The following MAP3K2 variants were observed in gnomAD, a reference collection of about 807,000 sequenced individuals.
The protein encoded by MAP3K2 is MAP/ERK kinase kinase 2.
Under a neutral mutation model 80.3 loss-of-function variants are expected in MAP3K2, and 24 were observed. That is an observed-to-expected ratio of 0.30 (90% confidence interval 0.22 to 0.42). The LOEUF is 0.42. Among genes scored for constraint, MAP3K2 ranks in the 10% least tolerant of loss-of-function variants. The pLI is 1.00. For missense variants in MAP3K2, 608 were observed against 750.1 expected, an observed-to-expected ratio of 0.81 and a Z score of 2.21; for synonymous variants, 244 against 253.7, an observed-to-expected ratio of 0.96 and a Z score of 0.36.
In MAP3K2 at chr2:127,387,785, T is replaced by C; in HGVS notation, c.-399A>G. 4 of 984,444 alleles carry C rather than the reference T, an allele frequency of 4.1e-6. No homozygotes were observed. Among genetic ancestry groups the C allele is most frequent in the Non-Finnish European group, 2.4e-6 (2 of 829,540 alleles). The allele number at this position is 984,444 out of a possible 1,614,324, so 61.0% of individuals were successfully genotyped here. A position where few individuals can be genotyped will look rare whatever the true frequency, so the allele number is the denominator to read the frequency against. Reference sequence around the variant, plus strand: ...GAAAGGAGGAAGCCGCGGGCCCGCGTCGCTAGAGACCGGAGAAGAGGCGGG... The same window carrying C: ...GAAAGGAGGAAGCCGCGGGCCCGCGCCGCTAGAGACCGGAGAAGAGGCGGG... On this transcript the variant is annotated 5_prime_UTR_variant, in exon 1 of 17. Coordinates refer to ENST00000682094, the MANE Select transcript of MAP3K2 (RefSeq NM_001371910.2).
chr2:127,364,000 CAG>C (rs1195072400), intron 1 of MAP3K2, among the ~76,000 whole-genome samples: 2 of 152,206 alleles, frequency 1.3e-5, no homozygotes, highest in African/African-American at 4.8e-5. Context: ...CAGCACCTAA[CAG>C]TACTTTGCAC....
rs760653710 is a variant in MAP3K2, at chr2:127,344,141, A to G, written c.-65-947T>C. Among the ~76,000 whole-genome samples the G allele has an allele frequency of 9.2e-5, 14 of 152,308 alleles. No individual in the cohort carries two copies. In the South Asian group the frequency reaches 1.0e-3, roughly 11 times the overall value. On this transcript the variant is annotated intron_variant, in intron 1 of 16. Transcript: ENST00000682094. ...TGAAAAATATGAGTGCCAACATGAC[A>G]CTATGAATGGAAAATTCCACAAACC...
At chr2:127,374,888 G>A (rs115812885) in intron 1 of MAP3K2, among the ~76,000 whole-genome samples, 2,039 of 152,134 alleles carry the variant, frequency 0.013, 22 homozygotes, top group Non-Finnish European at 0.018. Flanking sequence ...GCCATAGAAC[G>A]TACCCAATCC....
intron 1 of MAP3K2, among the ~76,000 whole-genome samples, chr2:127,382,856 A>C (rs1270712734): frequency 6.6e-5 from 10 of 152,244 alleles, no homozygotes; most frequent in Non-Finnish European, 1.2e-4. Context: ...GGTTGCCTTC[A>C]ATCTGCAGAT....
At chr2:127,309,387 T>G (rs1685765858) in intron 15 of MAP3K2, among the ~76,000 whole-genome samples, 1 of 152,154 alleles carries the variant, frequency 6.6e-6, no homozygotes. Context: ...TAGCTTCAGA[T>G]TTACAGAATT....
rs1160575050 is a variant in MAP3K2 at position 127,321,684 on chromosome 2, T to C, written c.1045+362A>G. ...CCTCAGCTGGTGATTTCTACTCACATTTAAATGCTATACAATAATTATTTC... is the reference window on the plus strand; with the variant it reads ...CCTCAGCTGGTGATTTCTACTCACACTTAAATGCTATACAATAATTATTTC... On this transcript the variant is annotated intron_variant, in intron 12 of 16. Transcript: ENST00000682094. The surrounding 1 kb of genome is among the most constrained non-coding windows in gnomAD (Gnocchi z 4.4). Among the ~76,000 whole-genome samples, 1 of 152,254 alleles carries C rather than the reference T, an allele frequency of 6.6e-6. No homozygotes were observed. The highest frequency in any genetic ancestry group is 1.5e-5 in the Non-Finnish European group (1 of 68,050).
At chr2:127,373,657 T>A (rs1687102386) in intron 1 of MAP3K2, among the ~76,000 whole-genome samples, 1 of 152,226 alleles carries the variant, frequency 6.6e-6, no homozygotes, top group African/African-American at 2.4e-5. Context: ...CTGTTTGTTT[T>A]TCCCACTAAA....
In MAP3K2 at chr2:127,353,652, C is replaced by T. The variant is rs542075739; in HGVS notation, c.-65-10458G>A. Among the ~76,000 whole-genome samples, 352 of 151,112 alleles carry T rather than the reference C, an allele frequency of 2.3e-3. 6 individuals carry two copies. Among genetic ancestry groups the T allele is most frequent in the African/African-American group, 7.6e-3 (313 of 41,242 alleles). On this transcript the variant is annotated intron_variant, in intron 1 of 16. Coordinates refer to ENST00000682094, the MANE Select transcript of MAP3K2 (RefSeq NM_001371910.2). Reference sequence around the variant, plus strand: ...CAAACCCCGGCCCGGCCAGCCACCCCGTCCGGGAGGTGAGGGGCGCCTCTG... The same window carrying T: ...CAAACCCCGGCCCGGCCAGCCACCCTGTCCGGGAGGTGAGGGGCGCCTCTG...
At chr2:127,313,467 C>G (rs1685845613) in intron 15 of MAP3K2, among the ~76,000 whole-genome samples, 1 of 152,176 alleles carries the variant, frequency 6.6e-6, no homozygotes, top group Admixed American at 6.5e-5. Flanking sequence ...CTGCATTCTA[C>G]TCTATCACCA....
chr2:127,324,561 C>T (rs1686092296), intron 9 of MAP3K2, among the ~76,000 whole-genome samples: 1 of 152,046 alleles, frequency 6.6e-6, no homozygotes, highest in Non-Finnish European at 1.5e-5. Flanking sequence ...CCTTCTGCAT[C>T]AACAAAAAAG....
intron 1 of MAP3K2, among the ~76,000 whole-genome samples, chr2:127,379,673 T>C (rs1322362709): frequency 6.6e-6 from 1 of 152,246 alleles, no homozygotes; most frequent in African/African-American, 2.4e-5. Flanking sequence ...TATAGTATTA[T>C]ATAAATGTCA....
chr2:127,374,554 C>T (rs939293755), intron 1 of MAP3K2, among the ~76,000 whole-genome samples: 2 of 152,222 alleles, frequency 1.3e-5, no homozygotes, highest in African/African-American at 4.8e-5. Flanking sequence ...CACATCCCCT[C>T]CTTCAACAGG....
rs1475563914 is a variant in MAP3K2 at position 127,364,962 on chromosome 2, T to C, written c.-65-21768A>G. Among the ~76,000 whole-genome samples the C allele has an allele frequency of 9.9e-5, 15 of 151,684 alleles. No individual in the cohort carries two copies. Among genetic ancestry groups the C allele is most frequent in the Admixed American group, 8.5e-4 (13 of 15,240 alleles). On this transcript the variant is annotated intron_variant, in intron 1 of 16. Transcript: ENST00000682094. This position sits in a 1 kb window ranked among gnomAD's most constrained non-coding sequence, Gnocchi z 4.1. ...GGCCAACATGGCAAAACCCTGTCTCTACTAAAACTACAAAAATTAGCCGGG... is the reference window on the plus strand; with the variant it reads ...GGCCAACATGGCAAAACCCTGTCTCCACTAAAACTACAAAAATTAGCCGGG...
chr2:127,325,256 CTG>C (rs952898500), intron 9 of MAP3K2, among the ~76,000 whole-genome samples: 2 of 152,216 alleles, frequency 1.3e-5, no homozygotes, highest in African/African-American at 4.8e-5. Context: ...TTTATCCACA[CTG>C]TGCAAAAATT....
intron 9 of MAP3K2, 62 bp from the exon 10 acceptor site, chr2:127,324,303 C>A (rs1686087607): frequency 2.0e-6 from 2 of 997,676 alleles, no homozygotes; most frequent in Non-Finnish European, 1.5e-6. Context: ...AAAAGAAAAT[C>A]TTTGAGCAAT....
At position 127,324,900 on chromosome 2, in the gene MAP3K2, C is replaced by T. The variant is rs190362342; in HGVS notation, c.678-659G>A. Reference sequence around the variant, plus strand: ...TCACATTTTGCAACTTTATCCTGCTCATATTCCTGAACAGCTTTTTCACAA... The same window carrying T: ...TCACATTTTGCAACTTTATCCTGCTTATATTCCTGAACAGCTTTTTCACAA... On this transcript the variant is annotated intron_variant, in intron 9 of 16. Transcript: ENST00000682094. 1.6e-4 allele frequency among the ~76,000 whole-genome samples: 25 copies of T among 152,294 alleles called. No individual in the cohort carries two copies. The East Asian group carries it at 4.8e-3, about 29-fold the overall frequency.
chr2:127,336,027 G>A, intron 4 of MAP3K2, 58 bp from the exon 5 acceptor site: 1 of 1,028,932 alleles, frequency 9.7e-7, no homozygotes, highest in Non-Finnish European at 1.5e-6. Flanking sequence ...TAATAAACTT[G>A]CAAAAGTTAC....
At chr2:127,353,795 T>C (rs1278453557) in intron 1 of MAP3K2, among the ~76,000 whole-genome samples, 97 of 152,122 alleles carry the variant, frequency 6.4e-4, no homozygotes, top group African/African-American at 2.3e-3. Context: ...TTTTGTGGAA[T>C]AGAAAAGGGG....
At chr2:127,330,675 C>T (rs932204335) in intron 5 of MAP3K2, among the ~76,000 whole-genome samples, 170 bp from the exon 6 acceptor site, 9 of 152,082 alleles carry the variant, frequency 5.9e-5, no homozygotes, top group African/African-American at 9.7e-5. Context: ...CTCATTCTAC[C>T]GCCACTAAAA....
Sources: gnomAD v4.1 joint callset for allele counts (sites outside exome capture counted in the v4.1 genomes callset) on GRCh38, gnomAD v4.1.1 for gene constraint, Gnocchi (gnomAD v3.1) non-coding constraint, MANE v1.5 for transcripts, NCBI Gene and HGNC (gene_info 2026-07-23, HGNC 2026-07-21) for gene names.